Variants in ANKRD28 observed in about 807,000 individuals in gnomAD.
ANKRD28 encodes the protein ankyrin repeat domain 28, also known as serine/threonine-protein phosphatase 6 regulatory ankyrin repeat subunit A.
Under a neutral mutation model 126.5 loss-of-function variants are expected in ANKRD28, and 44 were observed. That is an observed-to-expected ratio of 0.35 (90% CI 0.27 to 0.45). ANKRD28 has a LOEUF of 0.45. ANKRD28 is among the 20% of genes least tolerant of loss of function. The pLI is 1.00. For missense variants in ANKRD28, 1,110 were observed against 1,316.6 expected (o/e 0.84, Z 2.43); for synonymous variants, 442 against 468.5 (o/e 0.94, Z 0.73).
Position 15,668,319 on chromosome 3 carries a change from G to C in ANKRD28, c.*1951C>G, listed in dbSNP as rs1244478306. On this transcript the variant is annotated 3_prime_UTR_variant, in exon 28 of 28. Transcript: ENST00000683139. ...AGAAGAGAATTCCTAAAAGGAAAGA[G>C]AAAGCACACATATGTATACTTTTAG... The C allele has an allele frequency of 6.6e-6, 1 of 151,736 alleles. No homozygotes were observed. Among genetic ancestry groups the C allele is most frequent in the Non-Finnish European group, 1.5e-5 (1 of 67,924 alleles). 9.4% of individuals were successfully genotyped at this position (151,736 alleles called of 1,614,324 possible).
chr3:15,711,587 T>TA (rs1027597419), intron 11 of ANKRD28, among the ~76,000 whole-genome samples: 1 of 152,170 alleles, frequency 6.6e-6, no homozygotes, highest in African/African-American at 2.4e-5. Context: ...GCAAATTTTA[T>TA]AGAGATGAAA....
At chr3:15,733,782 T>C (rs769713967) in intron 6 of ANKRD28, among the ~76,000 whole-genome samples, 21 of 152,200 alleles carry the variant, frequency 1.4e-4, no homozygotes, top group Non-Finnish European at 2.6e-4. Context: ...AGAATTTTTT[T>C]TTCAGAGTAA....
chr3:15,799,295 C>A, upstream of ANKRD28, among the ~76,000 whole-genome samples: 1 of 148,784 alleles, frequency 6.7e-6, no homozygotes, highest in South Asian at 2.1e-4. Flanking sequence ...TACTTCAAAG[C>A]AAGTCTTAAA....
chr3:15,769,615 T>C (rs558207320), intron 2 of ANKRD28, among the ~76,000 whole-genome samples: 9 of 152,184 alleles, frequency 5.9e-5, no homozygotes, highest in Non-Finnish European at 1.0e-4. Context: ...GATTAACCAA[T>C]ATCCTCGGCT....
At chr3:15,704,870 T>C (rs954631052) in intron 14 of ANKRD28, among the ~76,000 whole-genome samples, 5 of 152,180 alleles carry the variant, frequency 3.3e-5, no homozygotes, top group Admixed American at 6.5e-5. Context: ...ATGATGGCAC[T>C]CGACAGGCTC....
chr3:15,743,417 G>A (rs558782378), intron 4 of ANKRD28, among the ~76,000 whole-genome samples: 99 of 152,146 alleles, frequency 6.5e-4, no homozygotes, highest in African/African-American at 2.3e-3. Context: ...ACAAAGCTTG[G>A]AGAGACCACA....
chr3:15,768,534 A>T (rs940404672), intron 2 of ANKRD28, among the ~76,000 whole-genome samples: 14 of 152,220 alleles, frequency 9.2e-5, no homozygotes, highest in African/African-American at 3.1e-4. Context: ...ATGCACCTGT[A>T]GTCCTAGGTA....
In ANKRD28 at chr3:15,843,933, AGTT is replaced by A. The variant is rs1207267763; in HGVS notation, c.27+15441_27+15443del. On this transcript the variant is annotated intron_variant, in intron 1 of 27. Coordinates refer to the ANKRD28 transcript ENST00000399451. This position sits in a 1 kb window ranked among gnomAD's most constrained non-coding sequence, Gnocchi z 5.2. ...GTACATTAGGAGTTAAGGCTTAAAA[AGTT>A]GGGCCAAAAGGGCTAAAGGAAGGGA... Among the ~76,000 whole-genome samples, 6 of 152,158 alleles carry A rather than the reference AGTT, an allele frequency of 3.9e-5. No homozygotes were observed. Among genetic ancestry groups the A allele is most frequent in the Non-Finnish European group, 8.8e-5 (6 of 68,020 alleles).
intron 17 of ANKRD28, among the ~76,000 whole-genome samples, chr3:15,692,883 GGATA>G (rs1169635693): frequency 1.3e-5 from 2 of 152,084 alleles, no homozygotes; most frequent in Non-Finnish European, 2.9e-5. Context: ...TCAGATGAAT[GGATA>G]AAGAAAAATG....
In ANKRD28 at chr3:15,846,338, T is replaced by C. The variant is rs557110422; in HGVS notation, c.27+13039A>G. Among the ~76,000 whole-genome samples the C allele has an allele frequency of 6.6e-4, 101 of 152,312 alleles. No individual in the cohort carries two copies. The highest frequency in any genetic ancestry group is 2.4e-3 in the African/African-American group (99 of 41,572). ...ACCCAGCAAGGCAGTCATTAAATCT[T>C]AAAGCTCCAAAATAATCTCCTTTGA... is the stretch of plus-strand genomic sequence containing the variant. On this transcript the variant is annotated intron_variant, in intron 1 of 27. Transcript: ENST00000399451. The surrounding 1 kb of genome is among the most constrained non-coding windows in gnomAD (Gnocchi z 5.4).
At chr3:15,785,539 C>A (rs1169428036) in intron 2 of ANKRD28, among the ~76,000 whole-genome samples, 1 of 151,992 alleles carries the variant, frequency 6.6e-6, no homozygotes, top group Non-Finnish European at 1.5e-5. Context: ...TTAGAATGGT[C>A]AAAATCCAGA....
chr3:15,727,996 AT>A (rs2074304429), intron 6 of ANKRD28, among the ~76,000 whole-genome samples: 1 of 152,172 alleles, frequency 6.6e-6, no homozygotes, highest in South Asian at 2.1e-4. Context: ...CTACAGAGAA[AT>A]CTTTTGTGAA....
chr3:15,749,101 G>GTTTTTGTT (rs2057692520), intron 4 of ANKRD28, among the ~76,000 whole-genome samples: 4 of 53,054 alleles, frequency 7.5e-5, no homozygotes, highest in African/African-American at 1.8e-4. Flanking sequence ...TTATGTTTTT[G>GTTTTTGTT]TTTTTTTTTT....
chr3:15,763,983 G>A (rs931263975), intron 3 of ANKRD28, among the ~76,000 whole-genome samples: 38 of 151,992 alleles, frequency 2.5e-4, no homozygotes, highest in African/African-American at 8.7e-4. Flanking sequence ...CAGCACTTTC[G>A]GAGGCTGAGG....
At chr3:15,726,085 C>A (rs188280345) in intron 6 of ANKRD28, among the ~76,000 whole-genome samples, 1 of 152,252 alleles carries the variant, frequency 6.6e-6, no homozygotes, top group East Asian at 1.9e-4. Flanking sequence ...ATTCCAACTA[C>A]TCCATTCCCC....
At chr3:15,810,588 T>C (rs550794978) in intron 1 of ANKRD28, among the ~76,000 whole-genome samples, 2 of 152,150 alleles carry the variant, frequency 1.3e-5, no homozygotes, top group East Asian at 3.9e-4. Context: ...CACTGCAGTA[T>C]AAACAAAATA....
intron 4 of ANKRD28, among the ~76,000 whole-genome samples, chr3:15,740,838 G>A (rs2075401317): frequency 6.6e-6 from 1 of 152,140 alleles, no homozygotes; most frequent in Admixed American, 6.5e-5. Context: ...TAGCAATTAA[G>A]ACACTAGAGT....
At chr3:15,793,927 G>A (rs568542420) in intron 2 of ANKRD28, among the ~76,000 whole-genome samples, 7 of 152,144 alleles carry the variant, frequency 4.6e-5, no homozygotes, top group African/African-American at 7.2e-5. Context: ...AAAATTAATC[G>A]GGCGTGGTGG....
chr3:15,779,637 G>A (rs1384834604), intron 2 of ANKRD28, among the ~76,000 whole-genome samples: 1 of 152,148 alleles, frequency 6.6e-6, no homozygotes, highest in Non-Finnish European at 1.5e-5. Flanking sequence ...ATCTGTAACG[G>A]AGTTGATTTA....
Sources: allele counts gnomAD v4.1 joint callset (sites outside exome capture counted in the v4.1 genomes callset), GRCh38; gene constraint gnomAD v4.1.1; non-coding constraint Gnocchi (gnomAD v3.1); transcripts MANE v1.5; gene names NCBI Gene and HGNC (gene_info 2026-07-23, HGNC 2026-07-21).